ACBD7: variants seen among roughly 807,000 people sequenced by gnomAD.
ACBD7 encodes the protein acyl-CoA-binding domain-containing protein 7.
Under a neutral mutation model 13.7 loss-of-function variants are expected in ACBD7, and 11 were observed. That is an observed-to-expected ratio of 0.80 (90% CI 0.50 to 1.33). The LOEUF (loss-of-function observed/expected upper bound fraction) is 1.33, where lower values mean the gene tolerates loss of function less well. Among genes scored for constraint, ACBD7 ranks in the 40% most tolerant of loss-of-function variants. The probability of loss-of-function intolerance (pLI) is 0.00; values close to 1 mark genes in which losing one functional copy is unlikely to be tolerated. For missense variants in ACBD7, 111 were observed against 103.0 expected, an observed-to-expected ratio of 1.08 and a Z score of -0.33; for synonymous variants, 43 against 37.7, an observed-to-expected ratio of 1.14 and a Z score of -0.51.
Position 15,078,516 on chromosome 10 carries a change from T to C in ACBD7, c.*14A>G. ...GGAAGTCTTCAAAAGGAAAAATTCC[T>C]CATATGCTGTATTCTAAATTCCGTA... On this transcript the variant is annotated 3_prime_UTR_variant, in exon 4 of 4. Coordinates refer to ENST00000356189, the MANE Select transcript of ACBD7 (RefSeq NM_001039844.3). 1 of 1,614,014 alleles carries C rather than the reference T, an allele frequency of 6.2e-7. No individual in the cohort carries two copies. Among genetic ancestry groups the C allele is most frequent in the East Asian group, 2.2e-5 (1 of 44,876 alleles).
At position 15,078,719 on chromosome 10, in the gene ACBD7, G is replaced by C; in HGVS notation, c.165C>G (p.Ala55=). The change falls in exon 3 of 4, where the codon GCC becomes GCG. Residue 55 remains alanine (A), a synonymous_variant. Transcript: ENST00000356189. The part of the protein sequence containing the change: ...CPGMLDLKGK[A]KWEAWNLKKG... ...TTTTGAGGTTCCATGCTTCCCATTTGGCTTTGCCTTTTAAATCTAGCATTC... is the reference window on the plus strand; with the variant it reads ...TTTTGAGGTTCCATGCTTCCCATTTCGCTTTGCCTTTTAAATCTAGCATTC... 1.9e-6 allele frequency: 3 copies of C among 1,613,922 alleles called. No homozygotes were observed. Among genetic ancestry groups the C allele is most frequent in the Non-Finnish European group, 2.5e-6 (3 of 1,179,956 alleles).
intron 1 of ACBD7, among the ~76,000 whole-genome samples, chr10:15,087,920 G>A (rs1564541955): frequency 6.6e-6 from 1 of 152,124 alleles, no homozygotes; most frequent in East Asian, 1.9e-4. Flanking sequence ...CCTGGGAGGT[G>A]GAGGTTGCAG....
Position 15,077,334 on chromosome 10 carries a change from A to G in ACBD7, c.*1196T>C, listed in dbSNP as rs140529515. Among the ~76,000 whole-genome samples the G allele has an allele frequency of 7.1e-3, 1,078 of 152,238 alleles. 15 individuals are homozygous for G. Among genetic ancestry groups the G allele is most frequent in the African/African-American group, 0.024 (1,010 of 41,538 alleles). ...TATTATCTTAAGTGAAACAACTCAGAAAAAAATAAGAAAATAAAGATTTTT... is the reference window on the plus strand; with the variant it reads ...TATTATCTTAAGTGAAACAACTCAGGAAAAAATAAGAAAATAAAGATTTTT... On this transcript the variant is annotated 3_prime_UTR_variant, in exon 4 of 4. Coordinates refer to ENST00000356189, the MANE Select transcript of ACBD7 (RefSeq NM_001039844.3).
At chr10:15,081,884 T>C (rs940033925) in intron 1 of ACBD7, among the ~76,000 whole-genome samples, 1 of 152,238 alleles carries the variant, frequency 6.6e-6, no homozygotes, top group Non-Finnish European at 1.5e-5. Context: ...CCTTGTCTTC[T>C]GAGTGTCTTC....
At chr10:15,079,426 C>T (rs1000530287) in intron 1 of ACBD7, among the ~76,000 whole-genome samples, 1 of 151,514 alleles carries the variant, frequency 6.6e-6, no homozygotes, top group African/African-American at 2.4e-5. Context: ...AGGGGTGCAC[C>T]ACCACACTCG....
intron 1 of ACBD7, among the ~76,000 whole-genome samples, chr10:15,086,306 C>CAA (rs200878752): frequency 3.6e-5 from 5 of 138,212 alleles, no homozygotes; most frequent in Non-Finnish European, 3.2e-5. Context: ...GACACCATCT[C>CAA]AAAAAAAAAA....
intron 1 of ACBD7, among the ~76,000 whole-genome samples, chr10:15,080,558 C>A (rs144473042): frequency 6.6e-6 from 1 of 151,730 alleles, no homozygotes; most frequent in South Asian, 2.1e-4. Flanking sequence ...CTAGCCTGGG[C>A]GACAAAGTGA....
Position 15,078,963 on chromosome 10 carries a change from A to G in ACBD7, c.90T>C (p.Tyr30=). ...RPDDGELKEL[Y]GLYKQAIVGD... is the part of the protein sequence containing the mutation. ...CAACTATTGCTTGTTTGTAAAGCCC[A>G]TAGAGTTCTTTCAGTTCTCCATCAT... The change falls in exon 2 of 4, where the codon TAT becomes TAC. Residue 30 remains tyrosine, a synonymous_variant. Coordinates refer to ENST00000356189, the MANE Select transcript of ACBD7 (RefSeq NM_001039844.3). 1 of 1,607,050 alleles carries G rather than the reference A, an allele frequency of 6.2e-7. No individual in the cohort carries two copies. Among genetic ancestry groups the G allele is most frequent in the African/African-American group, 1.3e-5 (1 of 74,760 alleles).
intron 1 of ACBD7, 25 bp from the exon 2 acceptor site, chr10:15,079,065 C>T (rs887761832): frequency 1.3e-6 from 2 of 1,527,330 alleles, no homozygotes; most frequent in Middle Eastern, 1.7e-4. Flanking sequence ...AACAAACAAA[C>T]AAAAGGAGCA....
rs1033399454 is a variant in ACBD7 at position 15,077,577 on chromosome 10, T to A, written c.*953A>T. 2.6e-5 allele frequency: 4 copies of A among 151,978 alleles called. No homozygotes were observed. The highest frequency in any genetic ancestry group is 9.7e-5 in the African/African-American group (4 of 41,342). The allele number at this position is 151,978 out of a possible 1,614,324, so 9.4% of individuals were successfully genotyped here. A position where few individuals can be genotyped will look rare whatever the true frequency, so the allele number is the denominator to read the frequency against. ...CCAGATTTCCCCACTACACAATATA[T>A]CCATGTAACAAAACTGCACCTGTGA... On this transcript the variant is annotated 3_prime_UTR_variant, in exon 4 of 4. Coordinates refer to ENST00000356189, the MANE Select transcript of ACBD7 (RefSeq NM_001039844.3).
intron 1 of ACBD7, among the ~76,000 whole-genome samples, chr10:15,079,733 C>T (rs771426571): frequency 6.6e-6 from 1 of 151,868 alleles, no homozygotes; most frequent in Non-Finnish European, 1.5e-5. Context: ...CACCTGCCAC[C>T]GCGCCTGGCT....
chr10:15,083,119 T>C (rs949260909), intron 1 of ACBD7, among the ~76,000 whole-genome samples: 1 of 152,174 alleles, frequency 6.6e-6, no homozygotes, highest in Non-Finnish European at 1.5e-5. Flanking sequence ...CCTCACACAG[T>C]TTCCCATGCC....
At chr10:15,082,696 T>C (rs1183521154) in intron 1 of ACBD7, among the ~76,000 whole-genome samples, 1 of 152,102 alleles carries the variant, frequency 6.6e-6, no homozygotes, top group Non-Finnish European at 1.5e-5. Flanking sequence ...GCAACTCGAC[T>C]CCTTTTGAGG....
intron 1 of ACBD7, 155 bp downstream of exon 1, chr10:15,088,562 G>T: frequency 9.4e-7 from 1 of 1,068,856 alleles, no homozygotes; most frequent in Non-Finnish European, 1.3e-6. Context: ...CACAGGTGCG[G>T]TCTACACTGC....
chr10:15,088,305 C>T (rs745315401), intron 1 of ACBD7: 16 of 203,298 alleles, frequency 7.9e-5, no homozygotes, highest in Non-Finnish European at 1.4e-4. Flanking sequence ...TTTTCACATA[C>T]CTATAAAACA....
At chr10:15,087,721 T>C (rs1397270499) in intron 1 of ACBD7, among the ~76,000 whole-genome samples, 2 of 151,364 alleles carry the variant, frequency 1.3e-5, no homozygotes, top group East Asian at 3.9e-4. Context: ...GAGGTTGCGG[T>C]GAGCTGAGAT....
At position 15,079,351 on chromosome 10, in the gene ACBD7, T is replaced by G. The variant is rs530638113; in HGVS notation, c.13-311A>C. Among the ~76,000 whole-genome samples, 3 of 147,334 alleles carry G rather than the reference T, an allele frequency of 2.0e-5. No homozygotes were observed. The South Asian group carries it at 6.6e-4, about 32-fold the overall frequency. On this transcript the variant is annotated intron_variant, in intron 1 of 3. Transcript: ENST00000356189. ...GTGCAGTGGCACCGTCTCCACTCAC[T>G]GCAACCTCTACTTCTGGGGCTCAAG... is the stretch of plus-strand genomic sequence containing the variant.
rs187967432 is a variant in ACBD7, at chr10:15,082,776, T to C, written c.13-3736A>G. 9.9e-5 allele frequency among the ~76,000 whole-genome samples: 15 copies of C among 152,044 alleles called. No individual in the cohort carries two copies. In the East Asian group the frequency reaches 1.2e-3, roughly 12 times the overall value. Reference sequence around the variant, plus strand: ...TGAGGGCTGGGTGCAGTGGCTCACGTCTGTAATCCCAGCATTTTGGGAGGC... The same window carrying C: ...TGAGGGCTGGGTGCAGTGGCTCACGCCTGTAATCCCAGCATTTTGGGAGGC... On this transcript the variant is annotated intron_variant, in intron 1 of 3. Transcript: ENST00000356189.
At position 15,076,781 on chromosome 10, in the gene ACBD7, G is replaced by C; in HGVS notation, c.*1749C>G. On this transcript the variant is annotated 3_prime_UTR_variant, in exon 4 of 4. Transcript: ENST00000356189. ...GCCTCCCAAAGTGCTGAGATTAGAG[G>C]CGTGAGCCACCACGCTCAGCCTTGC... 1 of 985,148 alleles carries C rather than the reference G, an allele frequency of 1.0e-6. No homozygotes were observed. Among genetic ancestry groups the C allele is most frequent in the African/African-American group, 1.7e-5 (1 of 57,338 alleles). 61.0% of individuals were successfully genotyped at this position (985,148 alleles called of 1,614,324 possible).
Sources: allele counts gnomAD v4.1 joint callset (sites outside exome capture counted in the v4.1 genomes callset), GRCh38; gene constraint gnomAD v4.1.1; transcripts MANE v1.5; gene names NCBI Gene and HGNC (gene_info 2026-07-23, HGNC 2026-07-21).